Variants in MYO1H observed in about 807,000 individuals in gnomAD.
MYO1H encodes myosin IH.
MYO1H carries 118 observed loss-of-function variants against 149.3 expected under a neutral mutation model. The observed-to-expected ratio is 0.79, with a 90% CI of 0.68 to 0.92. The LOEUF (loss-of-function observed/expected upper bound fraction) is 0.92. MYO1H is among the 40% of genes least tolerant of loss of function. MYO1H has a pLI of 0.00. For synonymous variants in MYO1H, 447 were observed against 465.2 expected (o/e 0.96, Z 0.50); for missense variants, 1,212 against 1,280.7 (o/e 0.95, Z 0.82).
chr12:109,378,998 T>C (rs556107549), intron 1 of MYO1H, among the ~76,000 whole-genome samples: 1 of 152,340 alleles, frequency 6.6e-6, no homozygotes, highest in African/African-American at 2.4e-5. Flanking sequence ...GTCTTTTCCA[T>C]TCCTTACTGT....
chr12:109,361,560 C>G (rs970944777), intron 1 of MYO1H, among the ~76,000 whole-genome samples: 1 of 152,200 alleles, frequency 6.6e-6, no homozygotes, highest in African/African-American at 2.4e-5. Flanking sequence ...AATCCCAGCA[C>G]TTTGGGAGGC....
Position 109,418,705 on chromosome 12 carries a change from G to A in MYO1H, c.1598-2276G>A, listed in dbSNP as rs552893647. Among the ~76,000 whole-genome samples the A allele has an allele frequency of 1.5e-3, 176 of 117,162 alleles. 3 individuals carry two copies. In the South Asian group the frequency reaches 0.017, roughly 12 times the overall value. 76.9% of individuals were successfully genotyped at this position (117,162 alleles called of 152,430 possible). ...CTGGGACTACAGGCACCCCACGCCC[G>A]GCTAGTTTTTTGTATTTTTTAGTAG... On this transcript the variant is annotated intron_variant, in intron 15 of 31. Transcript: ENST00000310903.
intron 1 of MYO1H, among the ~76,000 whole-genome samples, chr12:109,356,417 G>A (rs937156458): frequency 1.3e-5 from 2 of 151,832 alleles, no homozygotes; most frequent in African/African-American, 4.8e-5. Context: ...TACAAGATCA[G>A]CTACAAATTC....
rs192689707 is a variant in MYO1H at position 109,370,457 on chromosome 12, C to T, written c.13-18226C>T. Among the ~76,000 whole-genome samples the T allele has an allele frequency of 1.6e-3, 248 of 152,322 alleles. 1 individual carries two copies. Among genetic ancestry groups the T allele is most frequent in the Middle Eastern group, 3.4e-3 (1 of 294 alleles). On this transcript the variant is annotated intron_variant, in intron 1 of 31. Coordinates refer to ENST00000310903, the Ensembl canonical transcript of MYO1H. The stretch of plus-strand genomic sequence containing the variant: ...TTCTGATCCCTTCCACAGCCTCCCC[C>T]ATCACTTAGCTTCCCTGTTTATACT...
chr12:109,368,340 G>A (rs1868911033), intron 1 of MYO1H, among the ~76,000 whole-genome samples: 2 of 152,100 alleles, frequency 1.3e-5, no homozygotes, highest in South Asian at 4.1e-4. Flanking sequence ...AATAAACAAT[G>A]GGACAACTTA....
At chr12:109,376,291 C>T (rs963583881) in intron 1 of MYO1H, among the ~76,000 whole-genome samples, 1 of 152,180 alleles carries the variant, frequency 6.6e-6, no homozygotes, top group African/African-American at 2.4e-5. Flanking sequence ...GATCCACTTT[C>T]CATGTCTATA....
intron 19 of MYO1H, among the ~76,000 whole-genome samples, chr12:109,427,909 A>AAATATATATAT (rs1555254298): frequency 6.1e-5 from 1 of 16,422 alleles, no homozygotes. Flanking sequence ...AAAAAAAAAA[A>AAATATATATAT]ATATATATAT....
At chr12:109,372,307 A>G (rs1351731125) in intron 1 of MYO1H, among the ~76,000 whole-genome samples, 1 of 152,084 alleles carries the variant, frequency 6.6e-6, no homozygotes, top group Non-Finnish European at 1.5e-5. Context: ...TTGGTGTAAA[A>G]TATGACATAG....
chr12:109,403,416 T>A (rs1870246310), intron 6 of MYO1H, among the ~76,000 whole-genome samples: 1 of 152,242 alleles, frequency 6.6e-6, no homozygotes, highest in South Asian at 2.1e-4. Context: ...AACATTTGTC[T>A]AGAATGTTTT....
intron 24 of MYO1H, among the ~76,000 whole-genome samples, chr12:109,440,195 C>T (rs1309359197): frequency 6.6e-6 from 1 of 152,116 alleles, no homozygotes; most frequent in Non-Finnish European, 1.5e-5. Flanking sequence ...GCCACCATGC[C>T]TGGCTAATTT....
At chr12:109,422,537 C>T (rs1009313789) in intron 16 of MYO1H, among the ~76,000 whole-genome samples, 6 of 152,208 alleles carry the variant, frequency 3.9e-5, no homozygotes, top group African/African-American at 1.4e-4. Flanking sequence ...CAGCGTTTCT[C>T]TAACAGCTTC....
chr12:109,317,021 T>C, the MYO1H span, among the ~76,000 whole-genome samples: 1 of 152,328 alleles, frequency 6.6e-6, no homozygotes, highest in African/African-American at 2.4e-5. Context: ...ATCAAAACCA[T>C]ACCTGCAGAT....
Position 109,388,976 on chromosome 12 carries a change from A to C in MYO1H, c.174+132A>C, listed in dbSNP as rs1017504452. On this transcript the variant is annotated intron_variant, in intron 2 of 31. Transcript: ENST00000310903. ...AGGGAGATACTGAGGCGCCACTCTT[A>C]GATGCACTTCGATCCTTTGTGCTAA... 6 of 1,179,520 alleles carry C rather than the reference A, an allele frequency of 5.1e-6. No individual in the cohort carries two copies. In the Admixed American group the frequency reaches 7.2e-5, roughly 14 times the overall value. 73.1% of individuals were successfully genotyped at this position (1,179,520 alleles called of 1,614,324 possible). A position where few individuals can be genotyped will look rare whatever the true frequency, so the allele number is the denominator to read the frequency against.
At chr12:109,318,302 G>T in the MYO1H span, among the ~76,000 whole-genome samples, 28 of 152,036 alleles carry the variant, frequency 1.8e-4, no homozygotes, top group Non-Finnish European at 2.6e-4. Context: ...TCTTAGAAAA[G>T]AATTTATAAA....
At chr12:109,369,604 TAC>T (rs1291006263) in intron 1 of MYO1H, among the ~76,000 whole-genome samples, 28 of 152,228 alleles carry the variant, frequency 1.8e-4, no homozygotes, top group African/African-American at 6.0e-4. Context: ...TGTGCCATGT[TAC>T]AGGACATATG....
At chr12:109,412,267 C>T (rs991874241) in intron 14 of MYO1H, among the ~76,000 whole-genome samples, 1 of 152,152 alleles carries the variant, frequency 6.6e-6, no homozygotes, top group Non-Finnish European at 1.5e-5. Context: ...AAGTGATCCT[C>T]CAACCTCAGC....
At chr12:109,415,943 T>TTTTATTTTA (rs1555253223) in intron 15 of MYO1H, among the ~76,000 whole-genome samples, 17 of 146,892 alleles carry the variant, frequency 1.2e-4, no homozygotes, top group Non-Finnish European at 2.2e-4. Flanking sequence ...TTTTATTTTA[T>TTTTATTTTA]TTTATTTTAT....
At chr12:109,344,580 A>G (rs540638103), upstream of MYO1H, among the ~76,000 whole-genome samples, 5 of 152,338 alleles carry the variant, frequency 3.3e-5, no homozygotes, top group Admixed American at 6.5e-5. Context: ...TACATATTCA[A>G]TGCCATCCCT....
chr12:109,428,524 A>G (rs1209833655), intron 19 of MYO1H, among the ~76,000 whole-genome samples: 1 of 152,198 alleles, frequency 6.6e-6, no homozygotes, highest in Non-Finnish European at 1.5e-5. Flanking sequence ...CACTTCTTCA[A>G]TGATGGGCTG....
Sources: allele counts gnomAD v4.1 joint callset (sites outside exome capture counted in the v4.1 genomes callset), GRCh38; gene constraint gnomAD v4.1.1; transcripts MANE v1.5; gene names NCBI Gene and HGNC (gene_info 2026-07-23, HGNC 2026-07-21).